PAK5: variants seen among roughly 807,000 people sequenced by gnomAD.
The protein encoded by PAK5 is serine/threonine-protein kinase PAK 5.
A neutral mutation model predicts 65.9 loss-of-function variants in PAK5; 16 were observed. The observed-to-expected ratio is 0.24, with a 90% confidence interval of 0.16 to 0.37. The LOEUF (loss-of-function observed/expected upper bound fraction) is 0.37, where lower values mean the gene tolerates loss of function less well. PAK5 is among the 10% of genes least tolerant of loss of function. The pLI, the probability that PAK5 is intolerant of heterozygous loss-of-function variation, is 1.00. For synonymous variants in PAK5, 371 were observed against 354.9 expected (o/e 1.05, Z -0.51); for missense variants, 785 against 903.9 (o/e 0.87, Z 1.69).
intron 2 of PAK5, among the ~76,000 whole-genome samples, chr20:9,702,601 TG>T (rs2047953619): frequency 6.6e-6 from 1 of 152,190 alleles, no homozygotes; most frequent in Admixed American, 6.5e-5. Flanking sequence ...GACTTAGATG[TG>T]GAAACCTATA....
Position 9,644,196 on chromosome 20 carries a change from C to T in PAK5, c.133G>A (p.Asp45Asn). Residue 45 changes from aspartate (D) to asparagine (N), a missense_variant, in exon 3 of 10, where the codon GAT becomes AAT. Transcript: ENST00000353224. ...LPQQWHSLLA[D>N]TANRPKPMVD... The stretch of plus-strand genomic sequence containing the variant: ...ATAGGCTTTGGCCTGTTGGCCGTAT[C>T]TGCTAACAGGCTGTGCCACTGCTGG... 1 of 1,611,162 alleles carries T rather than the reference C, an allele frequency of 6.2e-7. No homozygotes were observed. The highest frequency in any genetic ancestry group is 1.7e-4 in the Middle Eastern group (1 of 6,026).
At chr20:9,750,537 G>A (rs776685885) in intron 1 of PAK5, among the ~76,000 whole-genome samples, 9 of 152,078 alleles carry the variant, frequency 5.9e-5, no homozygotes, top group Non-Finnish European at 7.4e-5. Flanking sequence ...AAAATGGTTA[G>A]CATTTTCTGT....
chr20:9,615,957 G>A (rs937129366), intron 3 of PAK5, among the ~76,000 whole-genome samples: 3 of 152,112 alleles, frequency 2.0e-5, no homozygotes, highest in South Asian at 2.1e-4. Context: ...CAAGAAAACC[G>A]GTGAAAGCTA....
chr20:9,611,057 G>A (rs569312862), intron 3 of PAK5, among the ~76,000 whole-genome samples: 1 of 152,298 alleles, frequency 6.6e-6, no homozygotes, highest in African/African-American at 2.4e-5. Flanking sequence ...CCAGAACTGC[G>A]AGAAATAAAT....
intron 1 of PAK5, among the ~76,000 whole-genome samples, chr20:9,808,624 A>G (rs759539711): frequency 2.6e-5 from 4 of 152,196 alleles, no homozygotes; most frequent in Non-Finnish European, 5.9e-5. Context: ...AGCGATCGCA[A>G]AGGAATAAGT....
intron 2 of PAK5, among the ~76,000 whole-genome samples, chr20:9,659,987 G>A: frequency 6.6e-6 from 1 of 152,150 alleles, no homozygotes; most frequent in East Asian, 1.9e-4. Context: ...GGCTTGGTTT[G>A]TGCAGCCTAA....
At chr20:9,601,183 A>G (rs1213847546) in intron 3 of PAK5, among the ~76,000 whole-genome samples, 1 of 152,196 alleles carries the variant, frequency 6.6e-6, no homozygotes, top group Non-Finnish European at 1.5e-5. Context: ...TCTTTCCCAC[A>G]GCCTATTACA....
chr20:9,732,971 T>C (rs2048349847), intron 1 of PAK5, among the ~76,000 whole-genome samples: 1 of 152,228 alleles, frequency 6.6e-6, no homozygotes. Context: ...TTACCAATAC[T>C]GTTGGAACTA....
At chr20:9,833,710 G>C (rs959992716) in intron 1 of PAK5, among the ~76,000 whole-genome samples, 3 of 152,102 alleles carry the variant, frequency 2.0e-5, no homozygotes, top group Non-Finnish European at 2.9e-5. Context: ...AAATCCCAAT[G>C]TAATAAAACT....
intron 2 of PAK5, among the ~76,000 whole-genome samples, chr20:9,647,638 G>A (rs181572264): frequency 5.3e-5 from 8 of 152,278 alleles, no homozygotes; most frequent in Non-Finnish European, 8.8e-5. Context: ...TTGCGGAGAG[G>A]AAATCCACAG....
At chr20:9,690,177 G>T (rs934836474) in intron 2 of PAK5, among the ~76,000 whole-genome samples, 1 of 152,182 alleles carries the variant, frequency 6.6e-6, no homozygotes, top group African/African-American at 2.4e-5. Flanking sequence ...GGTGGTCACA[G>T]GAAGAAGAAT....
intron 1 of PAK5, among the ~76,000 whole-genome samples, chr20:9,816,413 G>A (rs1466642974): frequency 6.6e-6 from 1 of 152,102 alleles, no homozygotes; most frequent in Non-Finnish European, 1.5e-5. Context: ...TTATTCCTGG[G>A]TATGTCCATC....
chr20:9,634,780 G>A (rs1600174570), intron 3 of PAK5, among the ~76,000 whole-genome samples: 1 of 152,246 alleles, frequency 6.6e-6, no homozygotes, highest in South Asian at 2.1e-4. Context: ...GAAAATGGGG[G>A]CCAGTGTGAT....
chr20:9,631,527 G>C (rs2046921610), intron 3 of PAK5, among the ~76,000 whole-genome samples: 1 of 152,206 alleles, frequency 6.6e-6, no homozygotes, highest in South Asian at 2.1e-4. Flanking sequence ...AAGCTTGGAA[G>C]TGGATTCTTC....
chr20:9,729,289 A>T (rs2048309883), intron 1 of PAK5, among the ~76,000 whole-genome samples: 1 of 152,132 alleles, frequency 6.6e-6, no homozygotes, highest in Admixed American at 6.5e-5. Context: ...AGATGCTAAC[A>T]TTTAAAATAC....
intron 1 of PAK5, among the ~76,000 whole-genome samples, chr20:9,797,590 G>A (rs2049119598): frequency 1.3e-5 from 2 of 151,338 alleles, no homozygotes; most frequent in Admixed American, 6.6e-5. Context: ...GCACATGTAT[G>A]CATAGGTAAC....
At chr20:9,598,115 C>T (rs142795831) in intron 3 of PAK5, among the ~76,000 whole-genome samples, 12 of 152,310 alleles carry the variant, frequency 7.9e-5, no homozygotes, top group African/African-American at 2.6e-4. Flanking sequence ...TCCCTCCCCC[C>T]ATGACAGGCC....
intron 2 of PAK5, among the ~76,000 whole-genome samples, chr20:9,646,788 G>A (rs2047140560): frequency 1.3e-5 from 2 of 152,190 alleles, no homozygotes; most frequent in African/African-American, 4.8e-5. Flanking sequence ...ACAGCAGTCA[G>A]CATGAAAACA....
intron 1 of PAK5, among the ~76,000 whole-genome samples, chr20:9,730,641 G>C (rs1287932638): frequency 6.6e-6 from 1 of 152,206 alleles, no homozygotes; most frequent in African/African-American, 2.4e-5. Context: ...GAGAAGCTAT[G>C]ATGATATCGG....
Sources: allele counts gnomAD v4.1 joint callset (sites outside exome capture counted in the v4.1 genomes callset), GRCh38; gene constraint gnomAD v4.1.1; transcripts MANE v1.5; gene names NCBI Gene and HGNC (gene_info 2026-07-23, HGNC 2026-07-21).